NTNG2: variants seen among roughly 807,000 people sequenced by gnomAD.
The protein encoded by NTNG2 is netrin-G2.
In NTNG2, 15 loss-of-function variants were observed where a neutral mutation model predicts 47.6. The observed-to-expected ratio is 0.32, with a 90% confidence interval of 0.21 to 0.49. NTNG2 has a LOEUF of 0.49. NTNG2 is among the 20% of genes least tolerant of loss of function. The pLI is 0.99. For missense variants in NTNG2, 578 were observed against 764.6 expected (o/e 0.76, Z 2.88); for synonymous variants, 307 against 324.6 (o/e 0.95, Z 0.58).
rs367722327 is a variant in NTNG2 at position 132,197,962 on chromosome 9, G to T, written c.214-4G>T. The T allele has an allele frequency of 3.2e-5, 52 of 1,607,006 alleles. No individual in the cohort carries two copies. The highest frequency in any genetic ancestry group is 4.2e-5 in the Non-Finnish European group (49 of 1,176,152). On this transcript the variant is annotated splice_region_variant and splice_polypyrimidine_tract_variant and intron_variant, in intron 2 of 7. Transcript: ENST00000393229. The surrounding 1 kb of genome is among the most constrained non-coding windows in gnomAD (Gnocchi z 4.3). ...ACCCTTCCCTTCTCCTCTCCCCGCTGCAGGAGAATCCCTACCTATGCAGCA... is the reference window on the plus strand; with the variant it reads ...ACCCTTCCCTTCTCCTCTCCCCGCTTCAGGAGAATCCCTACCTATGCAGCA...
intron 2 of NTNG2, among the ~76,000 whole-genome samples, chr9:132,181,326 T>C (rs1350472156): frequency 7.3e-5 from 11 of 150,238 alleles, no homozygotes; most frequent in African/African-American, 2.0e-4. Flanking sequence ...CACTTTCTTT[T>C]TTTTTTTTTT....
chr9:132,171,511 C>T (rs1316415056), intron 2 of NTNG2, among the ~76,000 whole-genome samples: 1 of 152,220 alleles, frequency 6.6e-6, no homozygotes, highest in Non-Finnish European at 1.5e-5. Flanking sequence ...CATACAGAGG[C>T]ACCTTGGCTT....
At chr9:132,174,370 A>T (rs1233323621) in intron 2 of NTNG2, among the ~76,000 whole-genome samples, 1 of 146,288 alleles carries the variant, frequency 6.8e-6, no homozygotes, top group Non-Finnish European at 1.5e-5. Context: ...AGACGGACAG[A>T]TGGACGGACG....
At chr9:132,225,740 C>G (rs1414415627) in intron 3 of NTNG2, among the ~76,000 whole-genome samples, 1 of 152,170 alleles carries the variant, frequency 6.6e-6, no homozygotes, top group Non-Finnish European at 1.5e-5. Context: ...GAACCAAGGA[C>G]CAGAGGAGCT....
At position 132,198,464 on chromosome 9, in the gene NTNG2, G is replaced by C. The variant is rs1838487562; in HGVS notation, c.712G>C (p.Glu238Gln). 1 of 1,610,386 alleles carries C rather than the reference G, an allele frequency of 6.2e-7. No individual in the cohort carries two copies. The highest frequency in any genetic ancestry group is 1.7e-5 in the Admixed American group (1 of 59,908). The part of the protein sequence containing the change: ...RNMDNLYTRL[E>Q]SAKGLKEFFT... ...CATGGACAACCTCTACACGCGGCTG[G>C]AGAGCGCCAAGGGCCTCAAGGAGTT... Residue 238 changes from glutamate (E) to glutamine (Q), a missense_variant, in exon 3 of 8, where the codon GAG becomes CAG. Glu to Gln is a conservative substitution (Grantham distance 29, BLOSUM62 2). Coordinates refer to ENST00000393229, the MANE Select transcript of NTNG2 (RefSeq NM_032536.4).
At position 132,210,098 on chromosome 9, in the gene NTNG2, G is replaced by T. The variant is rs576573141; in HGVS notation, c.857+11489G>T. Among the ~76,000 whole-genome samples the T allele has an allele frequency of 2.0e-5, 3 of 152,204 alleles. No individual in the cohort carries two copies. In the East Asian group the frequency reaches 5.8e-4, roughly 29 times the overall value. ...ATGTCCATCTTGACAACCCAGGGTGGCCCACCCTGGTGGCTCACAGAAGTC... is the reference window on the plus strand; with the variant it reads ...ATGTCCATCTTGACAACCCAGGGTGTCCCACCCTGGTGGCTCACAGAAGTC... On this transcript the variant is annotated intron_variant, in intron 3 of 7. Coordinates refer to ENST00000393229, the MANE Select transcript of NTNG2 (RefSeq NM_032536.4).
intron 4 of NTNG2, among the ~76,000 whole-genome samples, chr9:132,230,284 G>A (rs1841100571): frequency 6.6e-6 from 1 of 152,206 alleles, no homozygotes; most frequent in African/African-American, 2.4e-5. Context: ...TGTCCAGCAT[G>A]TCCCCAAGGG....
intron 2 of NTNG2, among the ~76,000 whole-genome samples, chr9:132,173,717 G>T (rs552590486): frequency 8.6e-5 from 13 of 151,868 alleles, no homozygotes; most frequent in African/African-American, 3.1e-4. Context: ...CAGACGGACA[G>T]ACAGGCAGGA....
Position 132,226,719 on chromosome 9 carries a change from C to A in NTNG2, c.858-130C>A. 1 of 701,670 alleles carries A rather than the reference C, an allele frequency of 1.4e-6. No individual in the cohort carries two copies. Among genetic ancestry groups the A allele is most frequent in the Non-Finnish European group, 2.2e-6 (1 of 449,702 alleles). The allele number at this position is 701,670 out of a possible 1,614,324, so 43.5% of individuals were successfully genotyped here. A position where few individuals can be genotyped will look rare whatever the true frequency, so the allele number is the denominator to read the frequency against. On this transcript the variant is annotated intron_variant, in intron 3 of 7. Coordinates refer to ENST00000393229, the MANE Select transcript of NTNG2 (RefSeq NM_032536.4). The surrounding 1 kb of genome is among the most constrained non-coding windows in gnomAD (Gnocchi z 4.8). ...TCTGGCCTAAAGGTTGGGCTGGTGG[C>A]CTCCAGGGTTTCTTCCTGGGCAGCC...
In NTNG2 at chr9:132,243,059, A is replaced by G. The variant is rs919138738; in HGVS notation, c.*948A>G. ...TGCCCCACCTGTTAGGAGCCTCCCC[A>G]CACTGAAAGGCTGCCTCCCTCCTTT... On this transcript the variant is annotated 3_prime_UTR_variant, in exon 8 of 8. Transcript: ENST00000393229. 2.1e-5 allele frequency: 3 copies of G among 142,540 alleles called. No individual in the cohort carries two copies. The highest frequency in any genetic ancestry group is 7.7e-5 in the African/African-American group (3 of 38,926). The allele number at this position is 142,540 out of a possible 1,614,324, so 8.8% of individuals were successfully genotyped here.
At chr9:132,185,884 G>C (rs1837337030) in intron 2 of NTNG2, among the ~76,000 whole-genome samples, 1 of 149,260 alleles carries the variant, frequency 6.7e-6, no homozygotes, top group African/African-American at 2.5e-5. Context: ...GTGGGAGGAG[G>C]AGGAGGAGGG....
chr9:132,241,150 G>A, intron 7 of NTNG2, 106 bp downstream of exon 7: 11 of 1,349,662 alleles, frequency 8.2e-6, no homozygotes, highest in Non-Finnish European at 1.1e-5. Context: ...GGTGGACTGG[G>A]CCTAGCAAGA....
intron 3 of NTNG2, among the ~76,000 whole-genome samples, chr9:132,207,278 G>A (rs1839236697): frequency 6.6e-6 from 1 of 152,254 alleles, no homozygotes; most frequent in Non-Finnish European, 1.5e-5. Context: ...ACCACTAACT[G>A]GGTGGAGGTC....
chr9:132,167,651 G>T (rs1835595311), intron 2 of NTNG2, among the ~76,000 whole-genome samples: 1 of 152,172 alleles, frequency 6.6e-6, no homozygotes, highest in Non-Finnish European at 1.5e-5. Context: ...TACATGCAAT[G>T]ATGGCAGCCC....
chr9:132,240,714 CAG>C, intron 6 of NTNG2, 194 bp from the exon 7 acceptor site: 1 of 706,074 alleles, frequency 1.4e-6, no homozygotes, highest in African/African-American at 1.8e-5. Context: ...GGAAGGAAGC[CAG>C]AGTCTTCTCT....
At position 132,236,675 on chromosome 9, in the gene NTNG2, AGCTG is replaced by A. The variant is rs1229958278; in HGVS notation, c.1055-2426_1055-2423del. The stretch of plus-strand genomic sequence containing the variant: ...GTGTCCTCTGTGGTGATGGAGACAG[AGCTG>A]GCGGGAGCCATCGCTTCCCTACCCT... On this transcript the variant is annotated intron_variant, in intron 5 of 7. Coordinates refer to ENST00000393229, the MANE Select transcript of NTNG2 (RefSeq NM_032536.4). The surrounding 1 kb of genome is among the most constrained non-coding windows in gnomAD (Gnocchi z 4.3). Among the ~76,000 whole-genome samples the A allele has an allele frequency of 6.6e-6, 1 of 152,198 alleles. No individual in the cohort carries two copies. The highest frequency in any genetic ancestry group is 1.5e-5 in the Non-Finnish European group (1 of 68,036).
At chr9:132,192,217 T>G (rs1837949215) in intron 2 of NTNG2, among the ~76,000 whole-genome samples, 2 of 152,170 alleles carry the variant, frequency 1.3e-5, no homozygotes, top group Non-Finnish European at 2.9e-5. Flanking sequence ...AGCTGTCAGA[T>G]GCTGACTGGG....
At chr9:132,225,259 T>G (rs1211984374) in intron 3 of NTNG2, among the ~76,000 whole-genome samples, 3 of 151,124 alleles carry the variant, frequency 2.0e-5, no homozygotes, top group African/African-American at 7.3e-5. Flanking sequence ...GTTTTGTTTG[T>G]TTTTGTTTTG....
chr9:132,164,996 G>T (rs1489807978), intron 1 of NTNG2, among the ~76,000 whole-genome samples: 1 of 152,226 alleles, frequency 6.6e-6, no homozygotes, highest in Non-Finnish European at 1.5e-5. Context: ...AACTCTTCAG[G>T]GGCCTTGCAA....
Sources: allele counts gnomAD v4.1 joint callset (sites outside exome capture counted in the v4.1 genomes callset), GRCh38; gene constraint gnomAD v4.1.1; non-coding constraint Gnocchi (gnomAD v3.1); transcripts MANE v1.5; gene names NCBI Gene and HGNC (gene_info 2026-07-23, HGNC 2026-07-21).